AFF3: variants seen among roughly 807,000 people sequenced by gnomAD.
AFF3 encodes the protein ALF transcription elongation factor 3.
In AFF3, 32 loss-of-function variants were observed where a neutral mutation model predicts 129.7. That is an observed-to-expected ratio of 0.25 (90% CI 0.19 to 0.33). The LOEUF is 0.33. AFF3 is among the 10% of genes least tolerant of loss of function. The pLI is 1.00. For synonymous variants in AFF3, 644 were observed against 635.4 expected (o/e 1.01, Z -0.20); for missense variants, 1,373 against 1,592.0 (o/e 0.86, Z 2.34).
At chr2:99,705,339 GC>G (rs1677252752) in intron 11 of AFF3, among the ~76,000 whole-genome samples, 1 of 152,082 alleles carries the variant, frequency 6.6e-6, no homozygotes, top group Non-Finnish European at 1.5e-5. Context: ...AATGTTATAA[GC>G]CTGAGTAGGA....
chr2:99,844,626 T>G (rs958379853), intron 7 of AFF3, among the ~76,000 whole-genome samples: 6 of 151,570 alleles, frequency 4.0e-5, no homozygotes, highest in African/African-American at 1.5e-4. Context: ...GTAGAGATGA[T>G]GTTTCACCAT....
chr2:100,069,402 T>C (rs574088981), intron 4 of AFF3, among the ~76,000 whole-genome samples: 2 of 152,340 alleles, frequency 1.3e-5, no homozygotes, highest in African/African-American at 2.4e-5. Flanking sequence ...CCAATAAACA[T>C]TTTTAGCCTA....
At chr2:99,848,798 G>A (rs1008254775) in intron 7 of AFF3, among the ~76,000 whole-genome samples, 2 of 152,078 alleles carry the variant, frequency 1.3e-5, no homozygotes, top group Admixed American at 6.6e-5. Context: ...GTTATCTCTC[G>A]AATCTCCTCT....
At chr2:100,114,788 G>A (rs1314579357) in intron 2 of AFF3, among the ~76,000 whole-genome samples, 2 of 152,248 alleles carry the variant, frequency 1.3e-5, no homozygotes, top group Non-Finnish European at 2.9e-5. Context: ...CACATTGAGA[G>A]CTCAGCACTG....
chr2:99,873,181 G>A (rs1692011672), intron 7 of AFF3, among the ~76,000 whole-genome samples: 1 of 152,208 alleles, frequency 6.6e-6, no homozygotes, highest in African/African-American at 2.4e-5. Flanking sequence ...CCACTGTTGA[G>A]ATTTAATAAA....
At chr2:99,825,053 G>A (rs1189007472) in intron 8 of AFF3, among the ~76,000 whole-genome samples, 1 of 152,132 alleles carries the variant, frequency 6.6e-6, no homozygotes, top group Non-Finnish European at 1.5e-5. Context: ...TTCCAACCCT[G>A]CATTTTCCCA....
intron 13 of AFF3, among the ~76,000 whole-genome samples, chr2:99,613,388 A>G (rs541781116): frequency 6.6e-6 from 1 of 152,312 alleles, no homozygotes; most frequent in East Asian, 1.9e-4. Flanking sequence ...TTAGAATGGC[A>G]ATTCTTTGAT....
At chr2:99,838,599 C>T (rs565802808) in intron 7 of AFF3, among the ~76,000 whole-genome samples, 30 of 152,318 alleles carry the variant, frequency 2.0e-4, no homozygotes, top group East Asian at 1.7e-3. Context: ...GCCCTCACCA[C>T]GACGGCAATT....
chr2:99,808,904 A>T (rs546922633), intron 8 of AFF3, among the ~76,000 whole-genome samples: 1 of 152,218 alleles, frequency 6.6e-6, no homozygotes, highest in Non-Finnish European at 1.5e-5. Context: ...TAGTGCATTA[A>T]AACACTGAAT....
At chr2:100,005,302 AAATT>A (rs1681864269) in intron 7 of AFF3, among the ~76,000 whole-genome samples, 3 of 152,236 alleles carry the variant, frequency 2.0e-5, no homozygotes, top group Admixed American at 2.0e-4. Flanking sequence ...ACAAACATGT[AAATT>A]ATTACCTAAT....
chr2:99,860,102 T>C (rs1246585498), intron 7 of AFF3, among the ~76,000 whole-genome samples: 5 of 152,228 alleles, frequency 3.3e-5, no homozygotes, highest in Non-Finnish European at 5.9e-5. Context: ...TTTAAACTTA[T>C]TAACAAATTT....
chr2:100,103,397 T>C (rs2105485445), intron 4 of AFF3, among the ~76,000 whole-genome samples: 1 of 151,194 alleles, frequency 6.6e-6, no homozygotes, highest in East Asian at 1.9e-4. Context: ...AATATGCTTG[T>C]TCCAGCAGAT....
intron 8 of AFF3, among the ~76,000 whole-genome samples, chr2:99,787,599 G>A (rs1684896328): frequency 6.6e-6 from 1 of 152,204 alleles, no homozygotes; most frequent in Non-Finnish European, 1.5e-5. Context: ...AATTCCCGAT[G>A]ATGTACGTCC....
intron 10 of AFF3, among the ~76,000 whole-genome samples, chr2:99,734,075 C>T (rs1432496606): frequency 6.6e-6 from 1 of 152,112 alleles, no homozygotes; most frequent in Non-Finnish European, 1.5e-5. Flanking sequence ...TAGGCGTCTC[C>T]ATTTATTTTG....
At chr2:99,941,188 A>G (rs1484387375) in intron 7 of AFF3, among the ~76,000 whole-genome samples, 2 of 152,186 alleles carry the variant, frequency 1.3e-5, no homozygotes, top group Non-Finnish European at 2.9e-5. Context: ...TCTCCAGGCC[A>G]CAGACGGTGA....
At chr2:99,831,181 A>G (rs942696174) in intron 8 of AFF3, among the ~76,000 whole-genome samples, 3 of 152,234 alleles carry the variant, frequency 2.0e-5, no homozygotes, top group Admixed American at 6.5e-5. Flanking sequence ...CATCAACCTT[A>G]TAACAAAACA....
intron 8 of AFF3, among the ~76,000 whole-genome samples, chr2:99,826,553 T>C (rs1435438622): frequency 2.0e-5 from 3 of 152,012 alleles, no homozygotes; most frequent in African/African-American, 7.2e-5. Context: ...CAGGAGTCGG[T>C]CAGCTAAATG....
chr2:99,858,328 T>C (rs1690677936), intron 7 of AFF3, among the ~76,000 whole-genome samples: 1 of 151,316 alleles, frequency 6.6e-6, no homozygotes, highest in Admixed American at 6.6e-5. Flanking sequence ...GGCGGATTGC[T>C]TGAGCCCAGG....
intron 7 of AFF3, among the ~76,000 whole-genome samples, chr2:99,891,021 T>C (rs1322381431): frequency 2.6e-5 from 4 of 152,116 alleles, no homozygotes; most frequent in Non-Finnish European, 1.5e-5. Flanking sequence ...GGAGGGGACA[T>C]GCCACACACG....
Sources: allele counts gnomAD v4.1 joint callset (sites outside exome capture counted in the v4.1 genomes callset), GRCh38; gene constraint gnomAD v4.1.1; transcripts MANE v1.5; gene names NCBI Gene and HGNC (gene_info 2026-07-23, HGNC 2026-07-21).